Variants in KCNQ5 observed in about 807,000 individuals in gnomAD.
KCNQ5 encodes potassium voltage-gated channel subfamily KQT member 5.
In KCNQ5, 30 loss-of-function variants were observed where a neutral mutation model predicts 98.2. The observed-to-expected ratio is 0.31, with a 90% confidence interval of 0.23 to 0.41. KCNQ5 has a LOEUF of 0.41. KCNQ5 is among the 10% of genes least tolerant of loss of function. The pLI is 1.00. For missense variants in KCNQ5, 835 were observed against 1,182.5 expected, an observed-to-expected ratio of 0.71 and a Z score of 4.31; for synonymous variants, 458 against 449.4, an observed-to-expected ratio of 1.02 and a Z score of -0.24.
At chr6:72,783,846 T>C (rs1773605406) in intron 1 of KCNQ5, among the ~76,000 whole-genome samples, 1 of 152,220 alleles carries the variant, frequency 6.6e-6, no homozygotes, top group Non-Finnish European at 1.5e-5. Flanking sequence ...ACTTGGCTGT[T>C]TTTGGATTGG....
chr6:73,158,171 G>T (rs970225005), intron 10 of KCNQ5: 78 of 344,654 alleles, frequency 2.3e-4, no homozygotes, highest in Non-Finnish European at 3.8e-4. Flanking sequence ...CGGCGGGAAG[G>T]GAACGTCCGG....
chr6:73,118,518 T>C (rs1473230091), intron 7 of KCNQ5, among the ~76,000 whole-genome samples: 7 of 151,752 alleles, frequency 4.6e-5, no homozygotes, highest in Admixed American at 2.0e-4. Context: ...TACCTAGGAG[T>C]GTGTAGTTGT....
intron 12 of KCNQ5, 72 bp downstream of exon 12, chr6:73,190,776 T>C (rs1765564535): frequency 1.0e-6 from 1 of 992,378 alleles, no homozygotes; most frequent in African/African-American, 1.7e-5. Context: ...TTCTCTTTAG[T>C]AGAGTAAACC....
chr6:72,713,535 A>G (rs1268513627), intron 1 of KCNQ5, among the ~76,000 whole-genome samples: 2 of 152,128 alleles, frequency 1.3e-5, no homozygotes, highest in East Asian at 3.9e-4. Context: ...AGTTGCAGTG[A>G]TCTCCTAATA....
chr6:73,067,655 T>C lies in KCNQ5; in HGVS notation c.617-9667T>C, dbSNP rs1660324655. Among the ~76,000 whole-genome samples the C allele has an allele frequency of 2.0e-5, 3 of 152,150 alleles. No homozygotes were observed. In the South Asian group the frequency reaches 6.2e-4, roughly 32 times the overall value. On this transcript the variant is annotated intron_variant, in intron 3 of 13. Transcript: ENST00000370398. ...GAGAAACAATGAAATAAAGTCTGTG[T>C]ACTGAGCATCCCGCACAGCCTCATA... is the stretch of plus-strand genomic sequence containing the variant.
At chr6:73,077,597 C>A in intron 4 of KCNQ5, 100 bp downstream of exon 4, 1 of 1,382,480 alleles carries the variant, frequency 7.2e-7, no homozygotes, top group Non-Finnish European at 9.7e-7. Flanking sequence ...TTAGTCATTG[C>A]AGAAAATGGT....
chr6:73,171,818 G>A (rs1778027802), intron 11 of KCNQ5, among the ~76,000 whole-genome samples: 2 of 152,142 alleles, frequency 1.3e-5, no homozygotes, highest in African/African-American at 4.8e-5. Context: ...AATCTGACTT[G>A]CAACAAGTAT....
At chr6:73,147,646 G>T (rs533793917) in intron 10 of KCNQ5, among the ~76,000 whole-genome samples, 90 of 152,220 alleles carry the variant, frequency 5.9e-4, no homozygotes, top group African/African-American at 2.1e-3. Context: ...ACAGTGCATG[G>T]CAAATAATAG....
chr6:72,769,120 A>G (rs909359441), intron 1 of KCNQ5, among the ~76,000 whole-genome samples: 7 of 152,124 alleles, frequency 4.6e-5, no homozygotes, highest in Admixed American at 3.3e-4. Context: ...AGAAAAGGAT[A>G]AGCCTCCAGA....
rs184563263 is a variant in KCNQ5, at chr6:72,759,987, C to G, written c.398+137400C>G. The stretch of plus-strand genomic sequence containing the variant: ...AGATGTGCAAATGAGACAACCCTTA[C>G]TAAAAGGGTGAAGGGACAAGGAGAA... On this transcript the variant is annotated intron_variant, in intron 1 of 13. Coordinates refer to ENST00000370398, the MANE Select transcript of KCNQ5 (RefSeq NM_019842.4). Among the ~76,000 whole-genome samples, 9 of 152,114 alleles carry G rather than the reference C, an allele frequency of 5.9e-5. No homozygotes were observed. In the East Asian group the frequency reaches 1.4e-3, roughly 23 times the overall value.
intron 1 of KCNQ5, among the ~76,000 whole-genome samples, chr6:72,867,098 A>T (rs563599413): frequency 6.6e-6 from 1 of 152,358 alleles, no homozygotes; most frequent in Admixed American, 6.5e-5. Flanking sequence ...GTATACATAG[A>T]ATTGAAGGAA....
intron 1 of KCNQ5, among the ~76,000 whole-genome samples, chr6:72,766,371 C>T (rs9918453): frequency 0.71 from 107,405 of 151,588 alleles, 38,295 homozygotes; most frequent in Middle Eastern, 0.81. Flanking sequence ...TCTAAATTCA[C>T]TGGAAGTCAT....
intron 2 of KCNQ5, among the ~76,000 whole-genome samples, chr6:73,041,488 A>G (rs1291437453): frequency 6.6e-6 from 1 of 151,906 alleles, no homozygotes; most frequent in Non-Finnish European, 1.5e-5. Flanking sequence ...TCTAAGAACA[A>G]CTCTCGAAGA....
chr6:73,183,061 A>G (rs1450034011), intron 11 of KCNQ5, among the ~76,000 whole-genome samples: 1 of 152,196 alleles, frequency 6.6e-6, no homozygotes, highest in Non-Finnish European at 1.5e-5. Context: ...CTGGAAAGAC[A>G]AGGACAGAGA....
At chr6:72,858,088 G>A (rs137881792) in intron 1 of KCNQ5, among the ~76,000 whole-genome samples, 490 of 152,268 alleles carry the variant, frequency 3.2e-3, no homozygotes, top group African/African-American at 0.011. Context: ...ATTAGAGAAA[G>A]CAGAATTTGA....
rs927254061 is a variant in KCNQ5, at chr6:73,114,947, C to T, written c.1125+3544C>T. On this transcript the variant is annotated intron_variant, in intron 7 of 13. Coordinates refer to ENST00000370398, the MANE Select transcript of KCNQ5 (RefSeq NM_019842.4). ...CCACCCAATTACCCTAAAGCGAAGC[C>T]ACTAGTCATTAAGCTCAAGCCACTT... Among the ~76,000 whole-genome samples the T allele has an allele frequency of 3.9e-5, 6 of 152,120 alleles. No homozygotes were observed. The South Asian group carries it at 1.2e-3, about 32-fold the overall frequency.
At position 72,756,081 on chromosome 6, in the gene KCNQ5, T is replaced by G. The variant is rs999652292; in HGVS notation, c.398+133494T>G. On this transcript the variant is annotated intron_variant, in intron 1 of 13. Transcript: ENST00000370398. ...GTTCCTAGATATTTCAAACTAATAATAGTTCATACTTGTCTTTTAGAAATT... is the reference window on the plus strand; with the variant it reads ...GTTCCTAGATATTTCAAACTAATAAGAGTTCATACTTGTCTTTTAGAAATT... Among the ~76,000 whole-genome samples, 5 of 152,342 alleles carry G rather than the reference T, an allele frequency of 3.3e-5. No homozygotes were observed. In the East Asian group the frequency reaches 9.6e-4, roughly 29 times the overall value.
chr6:72,625,510 T>G (rs1454296392), intron 1 of KCNQ5, among the ~76,000 whole-genome samples: 3 of 152,196 alleles, frequency 2.0e-5, no homozygotes, highest in Non-Finnish European at 4.4e-5. Flanking sequence ...TAAGGAAAAT[T>G]TTGAAGAATA....
At chr6:73,178,059 T>C (rs888559256) in intron 11 of KCNQ5, among the ~76,000 whole-genome samples, 6 of 152,136 alleles carry the variant, frequency 3.9e-5, no homozygotes. Flanking sequence ...TTTAAAGTAG[T>C]CAACATGTAT....
Sources: gnomAD v4.1 joint callset for allele counts (sites outside exome capture counted in the v4.1 genomes callset) on GRCh38, gnomAD v4.1.1 for gene constraint, MANE v1.5 for transcripts, NCBI Gene and HGNC (gene_info 2026-07-23, HGNC 2026-07-21) for gene names.